NOL7: variants seen among roughly 807,000 people sequenced by gnomAD.
The protein encoded by NOL7 is U3 small nucleolar RNA-associated protein NOL7.
A neutral mutation model predicts 38.4 loss-of-function variants in NOL7; 36 were observed. That is an observed-to-expected ratio of 0.94 (90% confidence interval 0.72 to 1.24). NOL7 has a LOEUF of 1.24. NOL7 is among the 50% of genes most tolerant of loss of function. The probability of loss-of-function intolerance (pLI) is 0.00; values close to 1 mark genes in which losing one functional copy is unlikely to be tolerated. For synonymous variants in NOL7, 142 were observed against 126.5 expected, an observed-to-expected ratio of 1.12 and a Z score of -0.82; for missense variants, 350 against 315.1, an observed-to-expected ratio of 1.11 and a Z score of -0.84.
At chr6:13,623,847 A>T (rs1282803089), downstream of NOL7, among the ~76,000 whole-genome samples, 4 of 152,194 alleles carry the variant, frequency 2.6e-5, no homozygotes, top group Non-Finnish European at 5.9e-5. Context: ...AATATAGCAC[A>T]ATATGTAAGA....
Position 13,620,905 on chromosome 6 carries a change from A to T in NOL7, c.*78A>T. The T allele has an allele frequency of 1.1e-6, 1 of 897,422 alleles. No homozygotes were observed. The highest frequency in any genetic ancestry group is 1.7e-6 in the Non-Finnish European group (1 of 595,408). 55.6% of individuals were successfully genotyped at this position (897,422 alleles called of 1,614,324 possible). A position where few individuals can be genotyped will look rare whatever the true frequency, so the allele number is the denominator to read the frequency against. ...AATCATTCATAGATCATTTTAAAGGATCATTATAAAAATCATAAACCTATT... is the reference window on the plus strand; with the variant it reads ...AATCATTCATAGATCATTTTAAAGGTTCATTATAAAAATCATAAACCTATT... On this transcript the variant is annotated 3_prime_UTR_variant, in exon 8 of 8. Coordinates refer to ENST00000451315, the MANE Select transcript of NOL7 (RefSeq NM_016167.5).
chr6:13,617,695 C>A, intron 3 of NOL7, 75 bp from the exon 4 acceptor site: 1 of 1,412,978 alleles, frequency 7.1e-7, no homozygotes, highest in Non-Finnish European at 1.0e-6. Flanking sequence ...CTTGTAAAGG[C>A]AAATGAAATA....
Position 13,615,655 on chromosome 6 carries a change from C to T in NOL7, c.266+31C>T, listed in dbSNP as rs758961073. 4.3e-6 allele frequency: 7 copies of T among 1,612,724 alleles called. No homozygotes were observed. In the Admixed American group the frequency reaches 8.4e-5, roughly 19 times the overall value. On this transcript the variant is annotated intron_variant, in intron 1 of 7. Transcript: ENST00000451315. ...GAGCCCGCTGCCCGGCGGGGAGAAC[C>T]GCCCTTTCTCGTCCCGCTTGTCCTT...
downstream of NOL7, among the ~76,000 whole-genome samples, chr6:13,626,286 C>T (rs1764600740): frequency 6.6e-6 from 1 of 152,184 alleles, no homozygotes; most frequent in South Asian, 2.1e-4. Flanking sequence ...CTATCTCAAG[C>T]CACACCTCTT....
At position 13,621,219 on chromosome 6, in the gene NOL7, A is replaced by AAAT. The variant is rs1764435078; in HGVS notation, c.*393_*395dup. 1 of 154,496 alleles carries AAAT rather than the reference A, an allele frequency of 6.5e-6. No homozygotes were observed. The highest frequency in any genetic ancestry group is 1.4e-5 in the Non-Finnish European group (1 of 69,642). 9.6% of individuals were successfully genotyped at this position (154,496 alleles called of 1,614,324 possible). On this transcript the variant is annotated 3_prime_UTR_variant, in exon 8 of 8. Coordinates refer to ENST00000451315, the MANE Select transcript of NOL7 (RefSeq NM_016167.5). ...GCACAAAATATAGCTAACAGCTTTT[A>AAAT]AATTTTTACTTTTAACCAGTCTGGG...
At chr6:13,628,201 A>T (rs1355626527) in intron 8 of NOL7, among the ~76,000 whole-genome samples, 1 of 152,092 alleles carries the variant, frequency 6.6e-6, no homozygotes, top group African/African-American at 2.4e-5. Flanking sequence ...TTAGTTACCA[A>T]TCTAAATGTT....
rs765077361 is a variant in NOL7 at position 13,620,821 on chromosome 6, G to C, written c.768G>C (p.Lys256Asn). Residue 256 changes from lysine to asparagine, a missense_variant, in exon 8 of 8, where the codon AAG (lysine) becomes AAC (asparagine). Physicochemically the swap from Lys to Asn is moderately conservative, Grantham distance 94. Transcript: ENST00000451315. ...GGATGGTCAGAAAGATGAAAACTAA[G>C]AAGTAAATCAATGCTAAATGAAGAA... ...RRWMVRKMKT[K>N]K is the part of the protein sequence containing the mutation. 1.3e-6 allele frequency: 2 copies of C among 1,587,376 alleles called. No homozygotes were observed. Among genetic ancestry groups the C allele is most frequent in the Non-Finnish European group, 1.7e-6 (2 of 1,164,120 alleles).
intron 5 of NOL7, among the ~76,000 whole-genome samples, chr6:13,619,917 G>T (rs1042980187): frequency 6.6e-6 from 1 of 152,206 alleles, no homozygotes; most frequent in Non-Finnish European, 1.5e-5. Flanking sequence ...AGCACTTTGG[G>T]AGGCCGAGGC....
chr6:13,629,895 G>GTCTCTC (rs35437953), intron 8 of NOL7, among the ~76,000 whole-genome samples: 5 of 143,822 alleles, frequency 3.5e-5, no homozygotes, highest in Non-Finnish European at 4.5e-5. Context: ...TCATGTCTCT[G>GTCTCTC]TCTCTCTCTC....
chr6:13,625,622 CTG>C (rs752583813), downstream of NOL7: 73 of 1,484,748 alleles, frequency 4.9e-5, no homozygotes, highest in East Asian at 1.6e-3. Flanking sequence ...GAGAATCTAA[CTG>C]AAATTGTGCC....
At chr6:13,627,611 CAGAG>C (rs923901738) in intron 8 of NOL7, among the ~76,000 whole-genome samples, 8 of 117,622 alleles carry the variant, frequency 6.8e-5, no homozygotes, top group African/African-American at 2.4e-4. Flanking sequence ...GCATGGACGA[CAGAG>C]AGAGACTCCA....
chr6:13,626,813 T>C (rs768615473), intron 8 of NOL7, among the ~76,000 whole-genome samples: 5 of 152,218 alleles, frequency 3.3e-5, no homozygotes, highest in Non-Finnish European at 5.9e-5. Context: ...ACACCCATTT[T>C]CCATCATTTC....
At chr6:13,618,639 C>CT (rs1469765015) in intron 5 of NOL7, among the ~76,000 whole-genome samples, 1 of 152,082 alleles carries the variant, frequency 6.6e-6, no homozygotes, top group Non-Finnish European at 1.5e-5. Context: ...CTTGTAATCC[C>CT]AGCGTTTTGG....
At chr6:13,616,035 CAAA>C (rs918858594) in intron 2 of NOL7, among the ~76,000 whole-genome samples, 1 of 142,998 alleles carries the variant, frequency 7.0e-6, no homozygotes, top group Non-Finnish European at 1.5e-5. Context: ...GACCCTGTCT[CAAA>C]AAAAAAAAGT....
downstream of NOL7, chr6:13,625,560 T>C (rs1764578799): frequency 2.7e-6 from 2 of 748,682 alleles, no homozygotes; most frequent in African/African-American, 1.7e-5. Flanking sequence ...ATTTTCCTGA[T>C]GATTTTACCA....
downstream of NOL7, chr6:13,625,723 G>C: frequency 8.7e-6 from 14 of 1,612,956 alleles, no homozygotes; most frequent in Non-Finnish European, 1.2e-5. Context: ...TTCCAACTGG[G>C]CTGTTCCAGG....
chr6:13,623,122 A>T (rs189202182), downstream of NOL7, among the ~76,000 whole-genome samples: 1 of 152,330 alleles, frequency 6.6e-6, no homozygotes, highest in Admixed American at 6.5e-5. Context: ...CCTGCATATC[A>T]TAAGTTTCTT....
chr6:13,632,450 A>C (rs745817776), exon 9 of NOL7: 1 of 1,613,906 alleles, frequency 6.2e-7, no homozygotes, highest in Non-Finnish European at 8.5e-7. Context: ...TCTCGTCCAA[A>C]GTGGATCATT....
intron 1 of NOL7, 35 bp downstream of exon 1, chr6:13,615,659 C>A (rs199699569): frequency 1.2e-6 from 2 of 1,613,374 alleles, no homozygotes; most frequent in East Asian, 4.5e-5. Context: ...GAGAACCGCC[C>A]TTTCTCGTCC....
Sources: gnomAD v4.1 joint callset for allele counts (sites outside exome capture counted in the v4.1 genomes callset) on GRCh38, gnomAD v4.1.1 for gene constraint, MANE v1.5 for transcripts, NCBI Gene and HGNC (gene_info 2026-07-23, HGNC 2026-07-21) for gene names.